The following GSDME variants were observed in gnomAD, a reference collection of about 807,000 sequenced individuals.
GSDME encodes gasdermin E.
In GSDME, 44 loss-of-function variants were observed where a neutral mutation model predicts 47.5. That is an observed-to-expected ratio of 0.93 (90% CI 0.73 to 1.19). GSDME has a LOEUF of 1.19. Among genes scored for constraint, GSDME ranks in the 50% most tolerant of loss-of-function variants. The pLI, the probability that GSDME is intolerant of heterozygous loss-of-function variation, is 0.00. For synonymous variants in GSDME, 258 were observed against 252.8 expected (o/e 1.02, Z -0.20); for missense variants, 663 against 604.2 (o/e 1.10, Z -1.02).
rs6960203 is a variant in GSDME, at chr7:24,711,198, A to G, written c.698-810T>C. Among the ~76,000 whole-genome samples, 3 of 152,164 alleles carry G rather than the reference A, an allele frequency of 2.0e-5. No homozygotes were observed. In the East Asian group the frequency reaches 5.8e-4, roughly 29 times the overall value. On this transcript the variant is annotated intron_variant, in intron 5 of 9. Coordinates refer to ENST00000645220, the MANE Select transcript of GSDME (RefSeq NM_001127453.2). ...ATCTCTACTTTTTAACATGTGGGAA[A>G]TGTCCATAATAAAAAGGTTTGTTTT...
At chr7:24,706,405 G>T in intron 7 of GSDME, 29 bp from the exon 8 acceptor site, 1 of 1,603,546 alleles carries the variant, frequency 6.2e-7, no homozygotes, top group South Asian at 1.1e-5. Flanking sequence ...GAAGGGTCAT[G>T]ACACAGCTGG....
In GSDME at chr7:24,749,726, CA is replaced by C; in HGVS notation, c.48del (p.Asp16GlufsTer4). ...TRNFLREVDADGDLIAVSNLN... is the reference protein window; with the variant it reads ...TRNFLREVDAXGDLIAVSNLN... ...AGATTTGATACTGCAATCAGGTCAC[CA>C]TCAGCATCAACTTCTCTAAGAAAAT... On this transcript the variant is annotated frameshift_variant, in exon 2 of 10. Coordinates refer to ENST00000645220, the MANE Select transcript of GSDME (RefSeq NM_001127453.2). LOFTEE classifies it high-confidence loss of function. 6.2e-7 allele frequency: 1 copy of C among 1,614,146 alleles called. No homozygotes were observed. Among genetic ancestry groups the C allele is most frequent in the Non-Finnish European group, 8.5e-7 (1 of 1,180,008 alleles).
At chr7:24,706,598 T>G (rs1470152377) in intron 7 of GSDME, among the ~76,000 whole-genome samples, 2 of 152,244 alleles carry the variant, frequency 1.3e-5, no homozygotes. Context: ...GGGGGCGTAC[T>G]TGCTGGAACT....
the GSDME span, among the ~76,000 whole-genome samples, chr7:24,783,784 G>A: frequency 6.6e-6 from 1 of 152,052 alleles, no homozygotes; most frequent in Non-Finnish European, 1.5e-5. Flanking sequence ...TGGGGATTAG[G>A]GAGGGGAGGA....
At chr7:24,771,093 G>T in the GSDME span, among the ~76,000 whole-genome samples, 1 of 152,100 alleles carries the variant, frequency 6.6e-6, no homozygotes, top group Non-Finnish European at 1.5e-5. The surrounding 1 kb of genome is among the most constrained non-coding windows in gnomAD (Gnocchi z 4.1). Flanking sequence ...CTAAAGCTAG[G>T]CGTATCGTAT....
chr7:24,747,005 C>T (rs1790687831), intron 2 of GSDME, among the ~76,000 whole-genome samples: 1 of 152,232 alleles, frequency 6.6e-6, no homozygotes, highest in South Asian at 2.1e-4. Flanking sequence ...GCTCTGACCC[C>T]AGATGAGCAT....
the GSDME span, among the ~76,000 whole-genome samples, chr7:24,767,676 C>T: frequency 6.6e-6 from 1 of 151,726 alleles, no homozygotes; most frequent in East Asian, 1.9e-4. The surrounding 1 kb of genome is among the most constrained non-coding windows in gnomAD (Gnocchi z 5.3). Context: ...TGTTACAAAC[C>T]AGTCATTGTA....
chr7:24,764,467 G>T, the GSDME span, among the ~76,000 whole-genome samples: 16 of 152,246 alleles, frequency 1.1e-4, no homozygotes, highest in African/African-American at 3.9e-4. The surrounding 1 kb of genome is among the most constrained non-coding windows in gnomAD (Gnocchi z 4.4). Flanking sequence ...CTCCATCTCT[G>T]TAAGGAGTCT....
chr7:24,715,883 G>C (rs1053492011), intron 5 of GSDME, among the ~76,000 whole-genome samples: 1 of 152,142 alleles, frequency 6.6e-6, no homozygotes, highest in Non-Finnish European at 1.5e-5. Context: ...TAAAATGCAG[G>C]CTTCTTCATT....
the GSDME span, among the ~76,000 whole-genome samples, chr7:24,774,437 A>C: frequency 6.6e-6 from 1 of 150,698 alleles, no homozygotes; most frequent in Admixed American, 6.6e-5. Flanking sequence ...CCACAACTTC[A>C]ATTTTGTGCC....
At chr7:24,768,141 T>G in the GSDME span, among the ~76,000 whole-genome samples, 1 of 152,154 alleles carries the variant, frequency 6.6e-6, no homozygotes, top group Non-Finnish European at 1.5e-5. This position sits in a 1 kb window ranked among gnomAD's most constrained non-coding sequence, Gnocchi z 5.6. Flanking sequence ...CATCTGAAAA[T>G]TAAAGGTTAA....
rs1036482803 is a variant in GSDME at position 24,745,881 on chromosome 7, A to G, written c.212-1127T>C. Among the ~76,000 whole-genome samples, 7 of 152,228 alleles carry G rather than the reference A, an allele frequency of 4.6e-5. No homozygotes were observed. Among genetic ancestry groups the G allele is most frequent in the Non-Finnish European group, 1.0e-4 (7 of 68,044 alleles). ...AATAACAAATAAAAATAATGATTTT[A>G]AAAATAGTCTCTATCATCACCATTT... On this transcript the variant is annotated intron_variant, in intron 2 of 9. Transcript: ENST00000645220. The surrounding 1 kb of genome is among the most constrained non-coding windows in gnomAD (Gnocchi z 4.4).
At chr7:24,706,594 G>A (rs1213928402) in intron 7 of GSDME, among the ~76,000 whole-genome samples, 5 of 152,238 alleles carry the variant, frequency 3.3e-5, no homozygotes, top group Admixed American at 2.0e-4. Flanking sequence ...GGTTGGGGGC[G>A]TACTTGCTGG....
rs941245208 is a variant in GSDME, at chr7:24,721,309, T to G, written c.405-2091A>C. 1.1e-4 allele frequency among the ~76,000 whole-genome samples: 17 copies of G among 152,120 alleles called. No individual in the cohort carries two copies. Among genetic ancestry groups the G allele is most frequent in the African/African-American group, 3.9e-4 (16 of 41,406 alleles). Reference sequence around the variant, plus strand: ...AAAACGGGTTCAATCTTAGTACTGGTTAAGGAAATTCAAATTATAAAAATG... The same window carrying G: ...AAAACGGGTTCAATCTTAGTACTGGGTAAGGAAATTCAAATTATAAAAATG... On this transcript the variant is annotated intron_variant, in intron 3 of 9. Transcript: ENST00000645220. The surrounding 1 kb of genome is among the most constrained non-coding windows in gnomAD (Gnocchi z 4.1).
chr7:24,710,605 TTACA>T, intron 5 of GSDME: 1 of 575,260 alleles, frequency 1.7e-6, no homozygotes, highest in South Asian at 2.0e-5. Context: ...ATGGCTGTTC[TTACA>T]TAAAGCTCCC....
chr7:24,717,025 T>A, intron 5 of GSDME: 1 of 560,496 alleles, frequency 1.8e-6, no homozygotes. Context: ...CCCACACCAA[T>A]GTTGGAGGAG....
Position 24,718,356 on chromosome 7 carries a change from A to C in GSDME, c.576+691T>G, listed in dbSNP as rs567904607. On this transcript the variant is annotated intron_variant, in intron 4 of 9. Transcript: ENST00000645220. ...AAGAGTTTGGGGCTGATGGCCACCT[A>C]GTCCATTGAAGTTTAGTACTGGCTC... 2.6e-5 allele frequency among the ~76,000 whole-genome samples: 4 copies of C among 152,370 alleles called. No homozygotes were observed. In the East Asian group the frequency reaches 7.7e-4, roughly 29 times the overall value.
the GSDME span, among the ~76,000 whole-genome samples, chr7:24,787,662 TGGAGAAC>T: frequency 6.6e-6 from 1 of 152,224 alleles, no homozygotes; most frequent in African/African-American, 2.4e-5. This position sits in a 1 kb window ranked among gnomAD's most constrained non-coding sequence, Gnocchi z 5.0. Flanking sequence ...AATAGTATCA[TGGAGAAC>T]CAAAGAGGTT....
rs557084606 is a variant in GSDME at position 24,724,103 on chromosome 7, G to A, written c.405-4885C>T. On this transcript the variant is annotated intron_variant, in intron 3 of 9. Transcript: ENST00000645220. The surrounding 1 kb of genome is among the most constrained non-coding windows in gnomAD (Gnocchi z 4.8). ...CCTCTTGGGTGGGGAACCAGATGGCGGGGAGGGGCTTTTCACCTTTTCTCT... is the reference window on the plus strand; with the variant it reads ...CCTCTTGGGTGGGGAACCAGATGGCAGGGAGGGGCTTTTCACCTTTTCTCT... Among the ~76,000 whole-genome samples the A allele has an allele frequency of 7.2e-5, 11 of 152,112 alleles. No homozygotes were observed. The East Asian group carries it at 7.7e-4, about 11-fold the overall frequency.
Sources: allele counts gnomAD v4.1 joint callset (sites outside exome capture counted in the v4.1 genomes callset), GRCh38; gene constraint gnomAD v4.1.1; non-coding constraint Gnocchi (gnomAD v3.1); transcripts MANE v1.5; gene names NCBI Gene and HGNC (gene_info 2026-07-23, HGNC 2026-07-21).